Variants in PHKA1 observed in about 807,000 individuals in gnomAD.
PHKA1 encodes the protein phosphorylase b kinase regulatory subunit alpha, skeletal muscle isoform.
PHKA1 carries 60 observed loss-of-function variants against 110.2 expected under a neutral mutation model. That is an observed-to-expected ratio of 0.54 (90% confidence interval 0.44 to 0.68). The LOEUF is 0.68. Ranked by LOEUF, PHKA1 falls within the 30% of genes least tolerant of loss-of-function variation. The probability of loss-of-function intolerance (pLI) is 0.00; values close to 1 mark genes in which losing one functional copy is unlikely to be tolerated. For synonymous variants in PHKA1, 316 were observed against 333.6 expected (o/e 0.95, Z 0.58); for missense variants, 801 against 942.5 (o/e 0.85, Z 1.97).
At chrX:72,583,006 A>G (rs981142967) in intron 30 of PHKA1, among the ~76,000 whole-genome samples, 2 of 112,262 alleles carry the variant, frequency 1.8e-5, no homozygotes, top group Admixed American at 1.9e-4. Flanking sequence ...CACTGTAAAT[A>G]AAGGAAAAAC....
At chrX:72,608,729 T>A (rs782739542) in intron 23 of PHKA1, among the ~76,000 whole-genome samples, 201 of 110,944 alleles carry the variant, frequency 1.8e-3, no homozygotes, top group Non-Finnish European at 3.3e-3. Flanking sequence ...GTAAAAAAAA[T>A]TTTGTAAACA....
At chrX:72,667,241 A>G in intron 7 of PHKA1, 134 bp downstream of exon 7, 1 of 522,910 alleles carries the variant, frequency 1.9e-6, no homozygotes, top group Non-Finnish European at 3.3e-6. Flanking sequence ...CTTGTTAAAT[A>G]TATTTTTGGT....
chrX:72,585,714 G>T (rs998771487), intron 29 of PHKA1, among the ~76,000 whole-genome samples: 1 of 111,896 alleles, frequency 8.9e-6, no homozygotes, highest in Non-Finnish European at 1.9e-5. Context: ...AGACACTCCC[G>T]CCCAAATACT....
At chrX:72,603,708 G>A (rs1226110975) in intron 25 of PHKA1, among the ~76,000 whole-genome samples, 1 of 111,511 alleles carries the variant, frequency 9.0e-6, no homozygotes, top group African/African-American at 3.3e-5. Flanking sequence ...TTTATTAAAA[G>A]TAGACTACAT....
At chrX:72,597,539 G>T (rs1358690919) in intron 28 of PHKA1, among the ~76,000 whole-genome samples, 1 of 111,081 alleles carries the variant, frequency 9.0e-6, no homozygotes, top group Non-Finnish European at 1.9e-5. Flanking sequence ...AACTTTTGTA[G>T]GTACATAGTA....
intron 29 of PHKA1, among the ~76,000 whole-genome samples, chrX:72,585,701 T>C (rs1265796165): frequency 1.8e-5 from 2 of 111,657 alleles, no homozygotes; most frequent in African/African-American, 6.5e-5. Flanking sequence ...ACTTGGAAAA[T>C]AGAGACACTC....
At chrX:72,662,942 C>A (rs947409765) in intron 8 of PHKA1, among the ~76,000 whole-genome samples, 1 of 110,468 alleles carries the variant, frequency 9.1e-6, no homozygotes, top group African/African-American at 3.3e-5. Context: ...GGAAGAGGTA[C>A]CTGCTCCACC....
chrX:72,628,597 T>TATA (rs61633790), intron 16 of PHKA1, among the ~76,000 whole-genome samples: 236 of 94,591 alleles, frequency 2.5e-3, no homozygotes, highest in African/African-American at 9.7e-3. Context: ...TATATATATA[T>TATA]TTTTTTTTTT....
chrX:72,710,115 C>A (rs1376965045), intron 2 of PHKA1, among the ~76,000 whole-genome samples: 1 of 106,829 alleles, frequency 9.4e-6, no homozygotes, highest in Non-Finnish European at 1.9e-5. Context: ...AGATCAGGGA[C>A]AAATCTAGCC....
chrX:72,599,846 C>T, intron 28 of PHKA1: 1 of 550,095 alleles, frequency 1.8e-6, no homozygotes, highest in Non-Finnish European at 3.3e-6. Flanking sequence ...AATCTATACC[C>T]AGGGGATGAC....
intron 12 of PHKA1, 100 bp from the exon 13 acceptor site, chrX:72,650,568 C>T: frequency 3.1e-6 from 2 of 649,639 alleles, no homozygotes; most frequent in Admixed American, 2.8e-5. Context: ...TGCACCATAA[C>T]ATTCAAGAGA....
rs868916849 is a variant in PHKA1, at chrX:72,644,455, T to C, written c.1366A>G (p.Lys456Glu). The change falls in exon 14 of 32, where the codon AAG becomes GAG. Residue 456 changes from lysine (K) to glutamate (E), a missense_variant. By Grantham distance (56) the Lys-to-Glu change is moderately conservative. Around this residue, in one of 2 missense-constraint regions of PHKA1, gnomAD observed 299 missense variants for 423.3 expected, o/e 0.71. Coordinates refer to ENST00000373542, the MANE Select transcript of PHKA1 (RefSeq NM_002637.4). ...GTCTCCACGTAAATTCCCTTGTCCT[T>C]CAAAATGGTCTTGATTTCTTCTGTT... The part of the protein sequence containing the change: ...AETEEIKTIL[K>E]DKGIYVETIA... The C allele has an allele frequency of 5.0e-6, 6 of 1,207,320 alleles. No individual in the cohort carries two copies. In the African/African-American group the frequency reaches 1.0e-4, roughly 21 times the overall value.
intron 3 of PHKA1, among the ~76,000 whole-genome samples, chrX:72,704,602 T>C (rs1479862502): frequency 1.8e-5 from 2 of 110,135 alleles, no homozygotes; most frequent in African/African-American, 6.6e-5. Context: ...TGCATTTTGT[T>C]TACTTGTTTT....
intron 21 of PHKA1, among the ~76,000 whole-genome samples, chrX:72,611,490 A>C (rs1021032917): frequency 8.9e-6 from 1 of 112,207 alleles, no homozygotes; most frequent in African/African-American, 3.2e-5. Flanking sequence ...TTCAAAAATC[A>C]CTGTAAGGAA....
chrX:72,622,897 G>C lies in PHKA1; in HGVS notation c.1960+212C>G, dbSNP rs142775131. 2.0e-4 allele frequency: 148 copies of C among 751,473 alleles called. No homozygotes were observed. In the African/African-American group the frequency reaches 3.2e-3, roughly 16 times the overall value. The allele number at this position is 751,473 out of a possible 1,213,427, so 61.9% of individuals were successfully genotyped here. On this transcript the variant is annotated intron_variant, in intron 18 of 31. Coordinates refer to ENST00000373542, the MANE Select transcript of PHKA1 (RefSeq NM_002637.4). The stretch of plus-strand genomic sequence containing the variant: ...TCTTCCCCAATCTTAGTAAGGGACT[G>C]TCCAACTCCATACTCCACAATTACC...
At chrX:72,708,672 C>T (rs1255802572) in intron 2 of PHKA1, among the ~76,000 whole-genome samples, 5 of 111,597 alleles carry the variant, frequency 4.5e-5, no homozygotes, top group Non-Finnish European at 7.5e-5. Context: ...GGTGTGCATG[C>T]ATCAAAAGGT....
At chrX:72,600,156 G>C (rs1415797043) in intron 28 of PHKA1, among the ~76,000 whole-genome samples, 1 of 110,700 alleles carries the variant, frequency 9.0e-6, no homozygotes, top group East Asian at 2.8e-4. Context: ...GGCAGGTGAG[G>C]ATGGAAGTTA....
chrX:72,594,677 C>A (rs2052566415), intron 28 of PHKA1, among the ~76,000 whole-genome samples: 1 of 112,497 alleles, frequency 8.9e-6, no homozygotes, highest in African/African-American at 3.2e-5. Context: ...GGTGCATGGG[C>A]ATATGGCTTG....
At chrX:72,673,790 TTTTTTTTTTCATTTGAAA>T (rs1207727668) in intron 6 of PHKA1, among the ~76,000 whole-genome samples, 9 of 108,558 alleles carry the variant, frequency 8.3e-5, no homozygotes, top group Admixed American at 9.9e-5. Context: ...GGGCAATTTA[TTTTTTTTTTCATTTGAAA>T]TTTTTTTTTA....
Sources: allele counts gnomAD v4.1 joint callset (sites outside exome capture counted in the v4.1 genomes callset), GRCh38; gene constraint gnomAD v4.1.1; regional missense constraint gnomAD v4.1.1; transcripts MANE v1.5; gene names NCBI Gene and HGNC (gene_info 2026-07-23, HGNC 2026-07-21).